Variants in MYOM2 observed in about 807,000 individuals in gnomAD.
MYOM2 encodes myomesin 2, also known as myomesin-2.
MYOM2 carries 254 observed loss-of-function variants against 187.6 expected under a neutral mutation model. The observed-to-expected ratio is 1.35, with a 90% confidence interval of 1.22 to 1.50. The LOEUF is 1.50. MYOM2 is among the 40% of genes most tolerant of loss of function. The pLI is 0.00. For missense variants in MYOM2, 2,796 were observed against 1,924.0 expected (o/e 1.45, Z -8.48); for synonymous variants, 981 against 753.8 (o/e 1.30, Z -4.94).
At chr8:2,064,020 G>A (rs1386683393) in intron 6 of MYOM2, among the ~76,000 whole-genome samples, 2 of 152,232 alleles carry the variant, frequency 1.3e-5, no homozygotes, top group African/African-American at 2.4e-5. Context: ...GGGGCCTCGG[G>A]AAGGGGAGGA....
intron 1 of MYOM2, among the ~76,000 whole-genome samples, chr8:2,046,756 T>TC (rs200158327): frequency 0.013 from 1,916 of 145,554 alleles, 20 homozygotes; most frequent in Non-Finnish European, 0.02. Context: ...TTTTTCTTTT[T>TC]TTTTTTTTTG....
rs188611500 is a variant in MYOM2 at position 2,064,546 on chromosome 8, C to T, written c.654-4732C>T. ...GAGCCCACGTGTTTTGCAGTCGCTG[C>T]GGGAGGCCAAGCGGATGGAGGGCTT... On this transcript the variant is annotated intron_variant, in intron 6 of 36. Coordinates refer to ENST00000262113, the MANE Select transcript of MYOM2 (RefSeq NM_003970.4). 2.6e-3 allele frequency among the ~76,000 whole-genome samples: 395 copies of T among 152,238 alleles called. 2 individuals carry two copies. Among genetic ancestry groups the T allele is most frequent in the African/African-American group, 8.9e-3 (368 of 41,552 alleles).
At chr8:2,130,024 GC>G (rs972777659) in intron 32 of MYOM2, among the ~76,000 whole-genome samples, 1 of 151,994 alleles carries the variant, frequency 6.6e-6, no homozygotes, top group Non-Finnish European at 1.5e-5. Context: ...ACGTGTTCAG[GC>G]CAATTATTTG....
At chr8:2,118,193 T>G (rs1797311415) in intron 28 of MYOM2, among the ~76,000 whole-genome samples, 1 of 152,282 alleles carries the variant, frequency 6.6e-6, no homozygotes, top group Admixed American at 6.5e-5. Flanking sequence ...AATGGAAGGT[T>G]GGATTATAAA....
At chr8:2,086,524 A>ACTGTTGTGATCTCCGCGTGGCCCCT (rs1796079933) in intron 14 of MYOM2, among the ~76,000 whole-genome samples, 1 of 64,600 alleles carries the variant, frequency 1.5e-5, no homozygotes. Flanking sequence ...GCGTGGCCCC[A>ACTGTTGTGATCTCCGCGTGGCCCCT]CACTGTCGTG....
chr8:2,075,188 G>T (rs919366989), intron 10 of MYOM2, among the ~76,000 whole-genome samples: 1 of 152,182 alleles, frequency 6.6e-6, no homozygotes, highest in African/African-American at 2.4e-5. Flanking sequence ...CTGAGCTTGC[G>T]AGTCTGTGAG....
intron 16 of MYOM2, among the ~76,000 whole-genome samples, chr8:2,092,936 C>G (rs1221942336): frequency 6.6e-6 from 1 of 151,984 alleles, no homozygotes; most frequent in African/African-American, 2.4e-5. Context: ...TGATGGAGAC[C>G]CCACCGGGCG....
intron 8 of MYOM2, among the ~76,000 whole-genome samples, 199 bp downstream of exon 8, chr8:2,069,696 A>G (rs1263199464): frequency 7.2e-5 from 11 of 152,018 alleles, no homozygotes; most frequent in African/African-American, 2.7e-4. Flanking sequence ...TAAGGGTCAA[A>G]TCTTTTTTAC....
chr8:2,092,169 A>G (rs757616671), intron 15 of MYOM2, among the ~76,000 whole-genome samples, 177 bp from the exon 16 acceptor site: 7 of 151,910 alleles, frequency 4.6e-5, no homozygotes, highest in African/African-American at 1.7e-4. Context: ...GCACCTCCCA[A>G]TGGCCCTCGG....
At chr8:2,098,735 T>C in intron 18 of MYOM2, 122 bp from the exon 19 acceptor site, 3 of 1,139,948 alleles carry the variant, frequency 2.6e-6, no homozygotes, top group Non-Finnish European at 3.6e-6. Flanking sequence ...TTGGTCCAAT[T>C]TCCCGACAAG....
chr8:2,065,296 C>T (rs1475565913), intron 6 of MYOM2, among the ~76,000 whole-genome samples: 1 of 152,158 alleles, frequency 6.6e-6, no homozygotes. Context: ...GCAGGCCAGG[C>T]ACGGTGGCTC....
chr8:2,140,651 C>T, intron 32 of MYOM2, 72 bp from the exon 33 acceptor site: 1 of 1,473,854 alleles, frequency 6.8e-7, no homozygotes, highest in Non-Finnish European at 9.2e-7. Context: ...AGCAACGGGA[C>T]ATTGCCCTGT....
In MYOM2 at chr8:2,140,705, C is replaced by T; in HGVS notation, c.3801-18C>T. 6.2e-7 allele frequency: 1 copy of T among 1,612,098 alleles called. No individual in the cohort carries two copies. On this transcript the variant is annotated intron_variant, in intron 32 of 36. Coordinates refer to ENST00000262113, the MANE Select transcript of MYOM2 (RefSeq NM_003970.4). Reference sequence around the variant, plus strand: ...ATGGAGACCCTAACTCAGATACGTTCCTGTTGCTCTTTTCAAGAGATGCTA... The same window carrying T: ...ATGGAGACCCTAACTCAGATACGTTTCTGTTGCTCTTTTCAAGAGATGCTA...
chr8:2,108,916 A>T (rs1796979736), intron 24 of MYOM2, 86 bp downstream of exon 24: 2 of 1,337,524 alleles, frequency 1.5e-6, no homozygotes, highest in Non-Finnish European at 2.1e-6. Flanking sequence ...TTGGAAGAAC[A>T]GCTTTGGGGA....
intron 20 of MYOM2, chr8:2,102,301 A>G (rs1282701324): frequency 5.5e-6 from 1 of 181,946 alleles, no homozygotes; most frequent in African/African-American, 2.3e-5. Context: ...CTGATGCCCC[A>G]ATGATGACTT....
At position 2,052,270 on chromosome 8, in the gene MYOM2, C is replaced by G. The variant is rs149520756; in HGVS notation, c.220C>G (p.Arg74Gly). 6.2e-7 allele frequency: 1 copy of G among 1,609,612 alleles called. No individual in the cohort carries two copies. The highest frequency in any genetic ancestry group is 1.7e-5 in the Admixed American group (1 of 59,406). ...AACCATCTGCAGGGTCTGTGCGAAG[C>G]GAGTGAGCACGCAGGAAGATGAGGA... ...GGTICRVCAK[R>G]VSTQEDEEQE... is the part of the protein sequence containing the mutation. Residue 74 changes from arginine to glycine, a missense_variant, in exon 3 of 37, where the codon CGA (arginine) becomes GGA (glycine). Transcript: ENST00000262113.
intron 32 of MYOM2, among the ~76,000 whole-genome samples, chr8:2,134,443 A>G (rs999494710): frequency 2.6e-5 from 4 of 152,104 alleles, no homozygotes; most frequent in South Asian, 2.1e-4. Flanking sequence ...CTTCCTGGGA[A>G]CGTTATTATT....
intron 32 of MYOM2, among the ~76,000 whole-genome samples, chr8:2,139,642 A>T (rs563585719): frequency 6.6e-6 from 1 of 152,140 alleles, no homozygotes; most frequent in Non-Finnish European, 1.5e-5. Flanking sequence ...TGCTTCCCCA[A>T]GCTGCGGCTG....
chr8:2,094,233 T>G (rs1487464011), intron 17 of MYOM2, 142 bp downstream of exon 17: 1 of 1,103,448 alleles, frequency 9.1e-7, no homozygotes, highest in African/African-American at 1.6e-5. Flanking sequence ...TGAGTTTCTT[T>G]GAAGCCTCTC....
Sources: gnomAD v4.1 joint callset for allele counts (sites outside exome capture counted in the v4.1 genomes callset) on GRCh38, gnomAD v4.1.1 for gene constraint, MANE v1.5 for transcripts, NCBI Gene and HGNC (gene_info 2026-07-23, HGNC 2026-07-21) for gene names.